JKAMP: variants seen among roughly 807,000 people sequenced by gnomAD.
The protein encoded by JKAMP is JNK1/MAPK8 associated membrane protein, also known as JNK1/MAPK8-associated membrane protein.
A neutral mutation model predicts 40.2 loss-of-function variants in JKAMP; 20 were observed. The observed-to-expected ratio is 0.50, with a 90% confidence interval of 0.35 to 0.72. The LOEUF (loss-of-function observed/expected upper bound fraction) is 0.72, where lower values mean the gene tolerates loss of function less well. Ranked by LOEUF, JKAMP falls within the 30% of genes least tolerant of loss-of-function variation. The pLI, the probability that JKAMP is intolerant of heterozygous loss-of-function variation, is 0.01. For missense variants in JKAMP, 276 were observed against 373.0 expected, an observed-to-expected ratio of 0.74 and a Z score of 2.14; for synonymous variants, 138 against 131.6, an observed-to-expected ratio of 1.05 and a Z score of -0.33.
Position 59,502,773 on chromosome 14 carries a change from T to TTGTTTTTTTTTTTTTTTTTTG in JKAMP, c.718-1081_718-1080insTGTTTTTTTTTTTTTTTTTTG, listed in dbSNP as rs796697193. 2.9e-4 allele frequency among the ~76,000 whole-genome samples: 30 copies of TTGTTTTTTTTTTTTTTTTTTG among 102,840 alleles called. 1 individual carries two copies. The highest frequency in any genetic ancestry group is 8.5e-4 in the East Asian group (3 of 3,542). The allele number at this position is 102,840 out of a possible 152,430, so 67.5% of individuals were successfully genotyped here. On this transcript the variant is annotated intron_variant, in intron 6 of 6. Transcript: ENST00000616435. ...AGATTTTTTTTTTTTTTTTTTTTTT[T>TTGTTTTTTTTTTTTTTTTTTG]CGGAGTCTCACTCTGTCGCTTAGGC... is the stretch of plus-strand genomic sequence containing the variant.
intron 3 of JKAMP, among the ~76,000 whole-genome samples, chr14:59,491,568 A>G (rs1050904316): frequency 6.6e-6 from 1 of 152,348 alleles, no homozygotes; most frequent in South Asian, 2.1e-4. Flanking sequence ...CAGTGTTTTC[A>G]TCTTTGTAAA....
intron 1 of JKAMP, chr14:59,485,809 G>A (rs1253106): frequency 0.013 from 1,925 of 152,258 alleles, 34 homozygotes; most frequent in African/African-American, 0.044. Context: ...GTAGAGACGG[G>A]GTTTCACCAT....
At position 59,502,773 on chromosome 14, in the gene JKAMP, T is replaced by TTTTTTTTTTTTTTTTTG. The variant is rs796697193; in HGVS notation, c.718-1081_718-1080insTTTTTTTTTTTTTTTTG. Among the ~76,000 whole-genome samples, 40 of 102,834 alleles carry TTTTTTTTTTTTTTTTTG rather than the reference T, an allele frequency of 3.9e-4. 1 individual carries two copies. The highest frequency in any genetic ancestry group is 1.1e-3 in the African/African-American group (28 of 25,788). 67.5% of individuals were successfully genotyped at this position (102,834 alleles called of 152,430 possible). ...AGATTTTTTTTTTTTTTTTTTTTTTTCGGAGTCTCACTCTGTCGCTTAGGC... is the reference window on the plus strand; with the variant it reads ...AGATTTTTTTTTTTTTTTTTTTTTTTTTTTTTTTTTTTTTTTGCGGAGTCTCACTCTGTCGCTTAGGC... On this transcript the variant is annotated intron_variant, in intron 6 of 6. Transcript: ENST00000616435.
intron 6 of JKAMP, among the ~76,000 whole-genome samples, chr14:59,501,489 A>T (rs1021987754): frequency 4.6e-5 from 7 of 152,220 alleles, no homozygotes; most frequent in Admixed American, 3.3e-4. Context: ...AGTCAGGCCC[A>T]ACTATCCAGC....
At chr14:59,493,953 G>A (rs1382138759) in intron 3 of JKAMP, among the ~76,000 whole-genome samples, 3 of 152,150 alleles carry the variant, frequency 2.0e-5, no homozygotes, top group African/African-American at 7.2e-5. Flanking sequence ...GAAGGTAGGG[G>A]TGGGAAGGAG....
intron 4 of JKAMP, 31 bp from the exon 5 acceptor site, chr14:59,498,696 G>T: frequency 2.6e-6 from 3 of 1,149,440 alleles, no homozygotes; most frequent in South Asian, 3.1e-5. Context: ...AAACATTTTT[G>T]ATGTTACAAA....
chr14:59,486,914 T>C (rs185183240), intron 2 of JKAMP, 110 bp downstream of exon 2: 13 of 810,552 alleles, frequency 1.6e-5, no homozygotes, highest in Non-Finnish European at 2.5e-5. Flanking sequence ...TAAAAGAATA[T>C]GGAGGACCAG....
chr14:59,503,681 T>C (rs1036041190), intron 6 of JKAMP, among the ~76,000 whole-genome samples, 173 bp from the exon 7 acceptor site: 3 of 152,344 alleles, frequency 2.0e-5, no homozygotes, highest in Non-Finnish European at 4.4e-5. Context: ...ACTTTCCTCA[T>C]CTATAAAGTG....
At chr14:59,484,730 C>G in intron 1 of JKAMP, 137 bp downstream of exon 1, 1 of 1,160,048 alleles carries the variant, frequency 8.6e-7, no homozygotes, top group Non-Finnish European at 1.2e-6. Flanking sequence ...CGCCCGCCCT[C>G]GGGCCGGGCT....
In JKAMP at chr14:59,484,610, A is replaced by G; in HGVS notation, c.4+17A>G. 1 of 1,578,850 alleles carries G rather than the reference A, an allele frequency of 6.3e-7. No homozygotes were observed. Among genetic ancestry groups the G allele is most frequent in the Non-Finnish European group, 8.6e-7 (1 of 1,162,592 alleles). On this transcript the variant is annotated intron_variant, in intron 1 of 6. Coordinates refer to ENST00000616435, the MANE Select transcript of JKAMP (RefSeq NM_016475.5). ...GGCCCATGGGTGAGTGGTCGCCAAG[A>G]TCCCGGGAAGCGTTTCTGGTAGTCC...
At chr14:59,500,631 T>C (rs556206808) in intron 5 of JKAMP, among the ~76,000 whole-genome samples, 3 of 152,194 alleles carry the variant, frequency 2.0e-5, no homozygotes, top group Non-Finnish European at 4.4e-5. Context: ...ATAACCTTTT[T>C]CAACTGCGGT....
At chr14:59,503,742 A>C (rs201963604) in intron 6 of JKAMP, 112 bp from the exon 7 acceptor site, 2 of 162,774 alleles carry the variant, frequency 1.2e-5, no homozygotes, top group Non-Finnish European at 2.4e-5. Context: ...CAAACATTTT[A>C]TGATTCTGAG....
intron 1 of JKAMP, 81 bp downstream of exon 1, chr14:59,484,674 T>C: frequency 1.3e-6 from 2 of 1,502,130 alleles, no homozygotes; most frequent in Non-Finnish European, 1.8e-6. Context: ...GGCTCGGCTC[T>C]TTGTAGGCGG....
chr14:59,496,573 G>C (rs1476240932), intron 4 of JKAMP, among the ~76,000 whole-genome samples: 2 of 152,120 alleles, frequency 1.3e-5, no homozygotes, highest in Non-Finnish European at 2.9e-5. Flanking sequence ...GATTAGAAGA[G>C]AAATGGCAAA....
intron 4 of JKAMP, among the ~76,000 whole-genome samples, chr14:59,496,879 T>G (rs1391983303): frequency 6.6e-6 from 1 of 152,220 alleles, no homozygotes; most frequent in African/African-American, 2.4e-5. Flanking sequence ...TTATATAGTA[T>G]CTTATAGCAT....
chr14:59,490,296 T>C (rs572394488), intron 3 of JKAMP, among the ~76,000 whole-genome samples: 1 of 152,256 alleles, frequency 6.6e-6, no homozygotes, highest in African/African-American at 2.4e-5. Flanking sequence ...TGAGCACAGC[T>C]CCAAGTCATT....
In JKAMP at chr14:59,495,216, C is replaced by T. The variant is rs1891349759; in HGVS notation, c.450C>T (p.Val150=). The T allele has an allele frequency of 6.2e-7, 1 of 1,603,282 alleles. No individual in the cohort carries two copies. ...CAGTACACTGTACTCATGAAGCCGT[C>T]TACCCACTGTAAGTGTTTATTTCGA... ...VTTVHCTHEA[V]YPLYTIVFIY... The change falls in exon 4 of 7, where the codon GTC becomes GTT. Residue 150 remains valine, a synonymous_variant. Coordinates refer to ENST00000616435, the MANE Select transcript of JKAMP (RefSeq NM_016475.5).
chr14:59,503,208 CTTAG>C (rs1440560805), intron 6 of JKAMP, among the ~76,000 whole-genome samples: 3 of 152,124 alleles, frequency 2.0e-5, no homozygotes, highest in Admixed American at 6.6e-5. Flanking sequence ...AAAAAGACAG[CTTAG>C]TACTGGTTGA....
At chr14:59,496,936 T>C (rs1197730979) in intron 4 of JKAMP, among the ~76,000 whole-genome samples, 1 of 151,660 alleles carries the variant, frequency 6.6e-6, no homozygotes, top group Non-Finnish European at 1.5e-5. Flanking sequence ...TAAATATAAA[T>C]GTATGGTCAG....
Sources: gnomAD v4.1 joint callset for allele counts (sites outside exome capture counted in the v4.1 genomes callset) on GRCh38, gnomAD v4.1.1 for gene constraint, MANE v1.5 for transcripts, NCBI Gene and HGNC (gene_info 2026-07-23, HGNC 2026-07-21) for gene names.